The following RSPO3 variants were observed in gnomAD, a reference collection of about 807,000 sequenced individuals.
RSPO3 encodes R-spondin-3.
A neutral mutation model predicts 36.5 loss-of-function variants in RSPO3; 17 were observed. The ratio of observed to expected loss-of-function variants is 0.47; its 90% CI spans 0.32 to 0.70. RSPO3 has a LOEUF of 0.70. Among genes scored for constraint, RSPO3 ranks in the 30% least tolerant of loss-of-function variants. The pLI, the probability that RSPO3 is intolerant of heterozygous loss-of-function variation, is 0.04. For synonymous variants in RSPO3, 108 were observed against 107.0 expected (o/e 1.01, Z -0.06); for missense variants, 294 against 322.5 (o/e 0.91, Z 0.68).
intron 1 of RSPO3, among the ~76,000 whole-genome samples, chr6:127,139,336 C>T (rs73593092): frequency 6.1e-4 from 93 of 152,240 alleles, no homozygotes; most frequent in African/African-American, 2.1e-3. Flanking sequence ...ATCAGATATG[C>T]TACTTTAGCA....
chr6:127,135,615 G>A (rs926394844), intron 1 of RSPO3, among the ~76,000 whole-genome samples: 18 of 151,706 alleles, frequency 1.2e-4, no homozygotes, highest in African/African-American at 3.6e-4. Flanking sequence ...TCTTCATGGC[G>A]CCATTTGCTG....
intron 4 of RSPO3, among the ~76,000 whole-genome samples, chr6:127,173,604 T>G (rs1167356448): frequency 6.6e-6 from 1 of 151,876 alleles, no homozygotes; most frequent in Non-Finnish European, 1.5e-5. Context: ...ATATATGGTC[T>G]CCTAAATGCT....
chr6:127,147,576 G>A (rs1466194021), intron 1 of RSPO3, among the ~76,000 whole-genome samples: 5 of 152,112 alleles, frequency 3.3e-5, no homozygotes, highest in Non-Finnish European at 5.9e-5. Context: ...AGAAACATCC[G>A]TTAGTCAGTA....
At chr6:127,191,542 A>T (rs1324783873) in intron 4 of RSPO3, among the ~76,000 whole-genome samples, 1 of 152,240 alleles carries the variant, frequency 6.6e-6, no homozygotes, top group Non-Finnish European at 1.5e-5. Flanking sequence ...ATAATTTCAG[A>T]ATCTTAAAAA....
At chr6:127,131,136 G>A (rs1488630327) in intron 1 of RSPO3, among the ~76,000 whole-genome samples, 2 of 152,118 alleles carry the variant, frequency 1.3e-5, no homozygotes, top group East Asian at 3.8e-4. Flanking sequence ...GGCCAGTTAG[G>A]CTTGCAGTAT....
At position 127,118,857 on chromosome 6, in the gene RSPO3, C is replaced by G. The variant is rs2114524320; in HGVS notation, c.-336C>G. On this transcript the variant is annotated 5_prime_UTR_variant, in exon 1 of 5. Coordinates refer to ENST00000356698, the MANE Select transcript of RSPO3 (RefSeq NM_032784.5). Reference sequence around the variant, plus strand: ...CTGCAGCCGCCGCCGCCGCCGCTCGCCCGCCCGGATCCCGCCTGCGGCAGT... The same window carrying G: ...CTGCAGCCGCCGCCGCCGCCGCTCGGCCGCCCGGATCCCGCCTGCGGCAGT... The G allele has an allele frequency of 5.9e-6, 1 of 169,514 alleles. No individual in the cohort carries two copies. The highest frequency in any genetic ancestry group is 1.6e-4 in the East Asian group (1 of 6,192). 10.5% of individuals were successfully genotyped at this position (169,514 alleles called of 1,614,324 possible).
At position 127,148,629 on chromosome 6, in the gene RSPO3, T is replaced by C; in HGVS notation, c.98-19T>C. ...TGTGATTTAACCTTTGTAATGTCTT[T>C]CTACATTTGTCTCCACAGTGCATCC... is the stretch of plus-strand genomic sequence containing the variant. On this transcript the variant is annotated intron_variant, in intron 1 of 4. Transcript: ENST00000356698. 6.3e-7 allele frequency: 1 copy of C among 1,589,990 alleles called. No individual in the cohort carries two copies. The highest frequency in any genetic ancestry group is 1.7e-5 in the Admixed American group (1 of 59,144).
At chr6:127,180,284 G>A (rs758392074) in intron 4 of RSPO3, among the ~76,000 whole-genome samples, 52 of 151,536 alleles carry the variant, frequency 3.4e-4, no homozygotes, top group Non-Finnish European at 6.6e-4. Context: ...ACTGAGCAAA[G>A]GCAAATTAGG....
chr6:127,174,669 A>G (rs980831701), intron 4 of RSPO3, among the ~76,000 whole-genome samples: 2 of 151,852 alleles, frequency 1.3e-5, no homozygotes, highest in Non-Finnish European at 2.9e-5. Context: ...CAAAGATTTA[A>G]GTGTATGTGT....
At chr6:127,180,487 CAAAAAAAAAAAA>C (rs71543112) in intron 4 of RSPO3, among the ~76,000 whole-genome samples, 8 of 42,616 alleles carry the variant, frequency 1.9e-4, no homozygotes, top group Admixed American at 7.3e-4. Flanking sequence ...TGGAAGAAAA[CAAAAAAAAAAAA>C]AAAAAAAAAA....
chr6:127,138,694 G>A (rs1774209531), intron 1 of RSPO3, among the ~76,000 whole-genome samples: 1 of 151,942 alleles, frequency 6.6e-6, no homozygotes, highest in South Asian at 2.1e-4. Flanking sequence ...GGAAACCTAG[G>A]CTCAAAAAAG....
intron 1 of RSPO3, among the ~76,000 whole-genome samples, chr6:127,141,112 T>C (rs1774261747): frequency 6.6e-6 from 1 of 152,252 alleles, no homozygotes; most frequent in East Asian, 1.9e-4. Context: ...GATGTCTTAT[T>C]CATTCCTGCC....
chr6:127,134,084 A>C (rs1419695010), intron 1 of RSPO3, among the ~76,000 whole-genome samples: 4 of 152,290 alleles, frequency 2.6e-5, no homozygotes, highest in African/African-American at 9.6e-5. Flanking sequence ...TTTCTCTGGG[A>C]AACAGAGACA....
At chr6:127,159,644 C>CTTTTTTTTT (rs869033594) in intron 4 of RSPO3, among the ~76,000 whole-genome samples, 1 of 123,284 alleles carries the variant, frequency 8.1e-6, no homozygotes, top group African/African-American at 3.2e-5. Context: ...ATACATTCTC[C>CTTTTTTTTT]TTTTTTTTTT....
rs186645518 is a variant in RSPO3, at chr6:127,160,928, G to T, written c.634+5490G>T. The stretch of plus-strand genomic sequence containing the variant: ...ATGCTCTTTAATCATGGTCACATAT[G>T]ACTTATTCTCTGTTTTTATTTGATA... On this transcript the variant is annotated intron_variant, in intron 4 of 4. Transcript: ENST00000356698. Among the ~76,000 whole-genome samples, 210 of 152,090 alleles carry T rather than the reference G, an allele frequency of 1.4e-3. 1 individual carries two copies. The highest frequency in any genetic ancestry group is 6.2e-4 in the South Asian group (3 of 4,822).
At chr6:127,120,984 A>T (rs1026771541) in intron 1 of RSPO3, among the ~76,000 whole-genome samples, 7 of 152,020 alleles carry the variant, frequency 4.6e-5, no homozygotes, top group African/African-American at 1.7e-4. Context: ...TGGCCTGGGG[A>T]ATTGAGTCTC....
intron 4 of RSPO3, among the ~76,000 whole-genome samples, chr6:127,176,867 T>C (rs1010984502): frequency 1.3e-5 from 2 of 151,852 alleles, no homozygotes; most frequent in Admixed American, 1.3e-4. Context: ...TTTATACCCT[T>C]GCTTGATAAT....
intron 4 of RSPO3, among the ~76,000 whole-genome samples, chr6:127,189,960 G>A (rs1349291922): frequency 6.6e-6 from 1 of 152,070 alleles, no homozygotes; most frequent in Non-Finnish European, 1.5e-5. Flanking sequence ...AGAGCAAGAA[G>A]AAGTTTTCTA....
chr6:127,144,052 AT>A (rs1445719960), intron 1 of RSPO3, among the ~76,000 whole-genome samples: 3 of 152,200 alleles, frequency 2.0e-5, no homozygotes, highest in Non-Finnish European at 4.4e-5. Flanking sequence ...AGATAGTGAA[AT>A]TGAAGTTTTT....
Sources: gnomAD v4.1 joint callset for allele counts (sites outside exome capture counted in the v4.1 genomes callset) on GRCh38, gnomAD v4.1.1 for gene constraint, MANE v1.5 for transcripts, NCBI Gene and HGNC (gene_info 2026-07-23, HGNC 2026-07-21) for gene names.